Variants in NLGN4Y observed in about 807,000 individuals in gnomAD.
NLGN4Y encodes neuroligin 4 Y-linked, also known as neuroligin-4, Y-linked.
NLGN4Y carries 4 observed loss-of-function variants against 8.4 expected under a neutral mutation model. That is an observed-to-expected ratio of 0.48 (90% CI 0.23 to 1.09). The LOEUF is 1.09. NLGN4Y is among the 50% of genes least tolerant of loss of function. The pLI is 0.19. For missense variants in NLGN4Y, 90 were observed against 192.3 expected (o/e 0.47, Z 3.15); for synonymous variants, 35 against 75.6 (o/e 0.46, Z 2.78).
chrY:14,757,790 C>T lies in NLGN4Y; in HGVS notation c.685+34521C>T, dbSNP rs754800939. On this transcript the variant is annotated intron_variant, in intron 4 of 6. Transcript: ENST00000684976. Reference sequence around the variant, plus strand: ...TTAGTGACTAGATCTTGCTCTGTTACGCAGACTGGTCTAACTCCTGGCTTC... The same window carrying T: ...TTAGTGACTAGATCTTGCTCTGTTATGCAGACTGGTCTAACTCCTGGCTTC... Among the ~76,000 whole-genome samples the T allele has an allele frequency of 1.8e-4, 6 of 34,063 alleles. No individual in the cohort carries two copies. The East Asian group carries it at 3.9e-3, about 22-fold the overall frequency. 91.4% of individuals were successfully genotyped at this position (34,063 alleles called of 37,273 possible). A position where few individuals can be genotyped will look rare whatever the true frequency, so the allele number is the denominator to read the frequency against.
chrY:14,527,383 C>T (rs2150458120), intron 1 of NLGN4Y, among the ~76,000 whole-genome samples: 1 of 33,769 alleles, frequency 3.0e-5, no homozygotes, highest in East Asian at 7.6e-4. Context: ...TGGTGAGAGC[C>T]GGTCTTAGGA....
chrY:14,618,291 T>G (rs2080497884), intron 1 of NLGN4Y, among the ~76,000 whole-genome samples: 1 of 31,964 alleles, frequency 3.1e-5, no homozygotes. Flanking sequence ...TATGTCACAG[T>G]CCCTCATGGT....
chrY:14,670,131 T>C, intron 2 of NLGN4Y, among the ~76,000 whole-genome samples: 2 of 34,724 alleles, frequency 5.8e-5, no homozygotes, highest in Non-Finnish European at 1.4e-4. Flanking sequence ...CTTTGTGGAT[T>C]TGCAAAATTT....
At position 14,559,120 on chromosome Y, in the gene NLGN4Y, T is replaced by C. The variant is rs971734119; in HGVS notation, c.-112+34412T>C. ...ATAAAGTCTCATAGTTGGCCATCCT[T>C]AGAAGCAATAGATGACAAAAGTTTC... On this transcript the variant is annotated intron_variant, in intron 1 of 6. Coordinates refer to ENST00000684976, the MANE Select transcript of NLGN4Y (RefSeq NM_001365588.1). Among the ~76,000 whole-genome samples, 4 of 33,405 alleles carry C rather than the reference T, an allele frequency of 1.2e-4. No individual in the cohort carries two copies. The East Asian group carries it at 3.2e-3, about 27-fold the overall frequency. 89.6% of individuals were successfully genotyped at this position (33,405 alleles called of 37,273 possible).
At chrY:14,615,940 A>C (rs928894800) in intron 1 of NLGN4Y, among the ~76,000 whole-genome samples, 1 of 33,854 alleles carries the variant, frequency 3.0e-5, no homozygotes, top group Non-Finnish European at 7.3e-5. Flanking sequence ...AGGCTTTGCT[A>C]TCAGGAAGTT....
chrY:14,564,647 T>G (rs2080245007), intron 1 of NLGN4Y, among the ~76,000 whole-genome samples: 1 of 33,801 alleles, frequency 3.0e-5, no homozygotes, highest in South Asian at 6.5e-4. Context: ...TAAATGTCCC[T>G]GTCTGAAGGC....
intron 4 of NLGN4Y, among the ~76,000 whole-genome samples, chrY:14,724,807 C>CT: frequency 6.3e-5 from 2 of 31,681 alleles, no homozygotes; most frequent in Non-Finnish European, 1.5e-4. Flanking sequence ...GCCCAGCTAA[C>CT]TTTTATATTT....
At chrY:14,760,195 A>G (rs2081076027) in intron 4 of NLGN4Y, among the ~76,000 whole-genome samples, 4 of 33,492 alleles carry the variant, frequency 1.2e-4, no homozygotes, top group Non-Finnish European at 3.0e-4. Context: ...ACAATGTTAG[A>G]TTTTATGTCA....
chrY:14,635,689 T>C (rs2080563335), intron 2 of NLGN4Y, among the ~76,000 whole-genome samples: 1 of 30,266 alleles, frequency 3.3e-5, no homozygotes, highest in Non-Finnish European at 7.8e-5. Context: ...CCTCCTGGGT[T>C]CAAGCGATTC....
intron 1 of NLGN4Y, among the ~76,000 whole-genome samples, chrY:14,560,838 A>C: frequency 3.0e-5 from 1 of 33,462 alleles, no homozygotes; most frequent in South Asian, 6.6e-4. Context: ...GGGAAAACAT[A>C]ACAGTGTATG....
intron 2 of NLGN4Y, among the ~76,000 whole-genome samples, chrY:14,712,338 T>C (rs1056859022): frequency 5.5e-4 from 18 of 32,843 alleles, no homozygotes; most frequent in Non-Finnish European, 9.0e-4. Flanking sequence ...CAAGTGGAGG[T>C]TCAGATAGAT....
chrY:14,619,356 G>A, intron 1 of NLGN4Y, among the ~76,000 whole-genome samples: 1 of 34,078 alleles, frequency 2.9e-5, no homozygotes. Flanking sequence ...ATTCTTTACA[G>A]CTACATGGGA....
intron 2 of NLGN4Y, among the ~76,000 whole-genome samples, chrY:14,653,295 G>C: frequency 3.1e-5 from 1 of 31,915 alleles, no homozygotes; most frequent in Admixed American, 2.9e-4. Context: ...CTGTGTGTGT[G>C]TGAGAGTGTG....
intron 1 of NLGN4Y, among the ~76,000 whole-genome samples, chrY:14,600,186 T>A: frequency 3.2e-5 from 1 of 31,585 alleles, no homozygotes; most frequent in East Asian, 8.0e-4. Flanking sequence ...ATATATAATA[T>A]ATATTTCTGC....
chrY:14,588,146 G>A, intron 1 of NLGN4Y, among the ~76,000 whole-genome samples: 1 of 33,525 alleles, frequency 3.0e-5, no homozygotes, highest in Non-Finnish European at 7.3e-5. Context: ...TTCTTTGGAG[G>A]ATATTTATTG....
rs2081062329 is a variant in NLGN4Y, at chrY:14,756,894, T to TC, written c.685+33625_685+33626insC. Among the ~76,000 whole-genome samples the TC allele has an allele frequency of 0.019, 305 of 16,020 alleles. No homozygotes were observed. The East Asian group carries it at 0.36, about 19-fold the overall frequency. 43.0% of individuals were successfully genotyped at this position (16,020 alleles called of 37,273 possible). On this transcript the variant is annotated intron_variant, in intron 4 of 6. Transcript: ENST00000684976. ...ATATATATATATATATATATATATA[T>TC]ATATATATATATATATTTGGTAAAG... is the stretch of plus-strand genomic sequence containing the variant.
intron 1 of NLGN4Y, among the ~76,000 whole-genome samples, chrY:14,575,848 G>T: frequency 3.0e-5 from 1 of 33,385 alleles, no homozygotes; most frequent in Non-Finnish European, 7.4e-5. Flanking sequence ...ATTTGCTGGA[G>T]GTCCACTCCA....
chrY:14,655,685 T>C (rs376449085), intron 2 of NLGN4Y, among the ~76,000 whole-genome samples: 96 of 33,949 alleles, frequency 2.8e-3, no homozygotes, highest in African/African-American at 0.011. Flanking sequence ...TTGAGTCCCA[T>C]GTTGTTTGCT....
At chrY:14,647,534 G>A in intron 2 of NLGN4Y, among the ~76,000 whole-genome samples, 1 of 33,516 alleles carries the variant, frequency 3.0e-5, no homozygotes, top group South Asian at 6.6e-4. Context: ...TTCATCTTAT[G>A]TAGAACAACG....
Sources: gnomAD v4.1 joint callset for allele counts (sites outside exome capture counted in the v4.1 genomes callset) on GRCh38, gnomAD v4.1.1 for gene constraint, MANE v1.5 for transcripts, NCBI Gene and HGNC (gene_info 2026-07-23, HGNC 2026-07-21) for gene names.